MYO1H: variants seen among roughly 807,000 people sequenced by gnomAD.
MYO1H encodes the protein myosin IH, also known as unconventional myosin-Ih.
Under a neutral mutation model 149.3 loss-of-function variants are expected in MYO1H, and 118 were observed. That is an observed-to-expected ratio of 0.79 (90% CI 0.68 to 0.92). The LOEUF (loss-of-function observed/expected upper bound fraction) is 0.92. Ranked by LOEUF, MYO1H falls within the 40% of genes least tolerant of loss-of-function variation. The probability of loss-of-function intolerance (pLI) is 0.00; values close to 1 mark genes in which losing one functional copy is unlikely to be tolerated. For missense variants in MYO1H, 1,212 were observed against 1,280.7 expected, an observed-to-expected ratio of 0.95 and a Z score of 0.82; for synonymous variants, 447 against 465.2, an observed-to-expected ratio of 0.96 and a Z score of 0.50.
chr12:109,395,115 G>C (rs1483516223), intron 3 of MYO1H, among the ~76,000 whole-genome samples: 1 of 152,152 alleles, frequency 6.6e-6, no homozygotes, highest in Non-Finnish European at 1.5e-5. Flanking sequence ...CTCGTATTCA[G>C]GTTATATTCC....
chr12:109,404,211 C>T (rs948178686), intron 7 of MYO1H, 131 bp downstream of exon 7: 71 of 678,090 alleles, frequency 1.0e-4, no homozygotes, highest in African/African-American at 6.3e-4. Flanking sequence ...GGTGTGGTGG[C>T]GCACACCTGT....
intron 4 of MYO1H, 66 bp from the exon 5 acceptor site, chr12:109,397,666 T>C: frequency 7.7e-7 from 1 of 1,296,064 alleles, no homozygotes; most frequent in Non-Finnish European, 1.1e-6. Context: ...AGTGTATTAT[T>C]TGGGGTCAGG....
intron 22 of MYO1H, among the ~76,000 whole-genome samples, chr12:109,436,778 T>C (rs999241736): frequency 2.0e-5 from 3 of 152,156 alleles, no homozygotes; most frequent in African/African-American, 4.8e-5. Context: ...AGTCCTACAA[T>C]ATGTGTACAT....
intron 27 of MYO1H, 38 bp from the exon 28 acceptor site, chr12:109,443,476 G>A (rs1267437018): frequency 1.9e-6 from 3 of 1,605,242 alleles, no homozygotes; most frequent in South Asian, 2.2e-5. Context: ...TCGGTACTCT[G>A]CCCCACCTTC....
intron 5 of MYO1H, 122 bp downstream of exon 5, chr12:109,397,934 C>G: frequency 1.6e-6 from 1 of 616,574 alleles, no homozygotes; most frequent in Non-Finnish European, 2.7e-6. Context: ...AAAAAAATAT[C>G]CAGGGTTAGT....
chr12:109,388,407 G>C (rs1439852293), intron 1 of MYO1H, among the ~76,000 whole-genome samples: 1 of 152,086 alleles, frequency 6.6e-6, no homozygotes, highest in African/African-American at 2.4e-5. Flanking sequence ...GTATTTCATA[G>C]GGTCAGAATG....
In MYO1H at chr12:109,415,526, C is replaced by A. The variant is rs1159205752; in HGVS notation, c.1503C>A (p.Thr501=). The A allele has an allele frequency of 1.2e-5, 19 of 1,601,476 alleles. 1 individual carries two copies. The highest frequency in any genetic ancestry group is 1.6e-5 in the Non-Finnish European group (19 of 1,174,278). Residue 501 remains threonine, a splice_region_variant and synonymous_variant, in exon 15 of 32, where the codon ACC becomes ACA. Transcript: ENST00000310903. The stretch of plus-strand genomic sequence containing the variant: ...ACTCGTGTCTATTTCTGTCTCGTAG[C>A]CGTAAGCTGGCTGGTCCAAAGGGCC...
intron 1 of MYO1H, among the ~76,000 whole-genome samples, chr12:109,349,475 C>T (rs1431161636): frequency 6.9e-6 from 1 of 145,922 alleles, no homozygotes; most frequent in African/African-American, 2.6e-5. Context: ...CCAGCATGAG[C>T]AACATAGTGT....
intron 19 of MYO1H, among the ~76,000 whole-genome samples, chr12:109,428,810 A>AG (rs1871493058): frequency 6.6e-6 from 1 of 151,908 alleles, no homozygotes; most frequent in Non-Finnish European, 1.5e-5. Context: ...CCCCCCTCCA[A>AG]ACATATACAC....
intron 14 of MYO1H, among the ~76,000 whole-genome samples, chr12:109,415,044 T>C (rs17179499): frequency 0.067 from 10,203 of 152,258 alleles, 382 homozygotes; most frequent in South Asian, 0.11. Flanking sequence ...TCTTGGTCTA[T>C]GGCCAGAAAA....
exon 30 of MYO1H, chr12:109,444,501 G>C (rs1872393558): frequency 1.2e-6 from 2 of 1,613,830 alleles, no homozygotes; most frequent in Non-Finnish European, 1.7e-6. Context: ...GGTTAAGAAG[G>C]AGAACATTGT....
chr12:109,443,156 G>GTGTATATATGTGTACGTA lies in MYO1H; in HGVS notation c.2689-355_2689-354insATATATGTGTACGTATGT, dbSNP rs1872276794. ...TATGTGTGTATATGTGTACGTATGT[G>GTGTATATATGTGTACGTA]TGTGTATATGTGTACGTATGTGTGT... is the stretch of plus-strand genomic sequence containing the variant. On this transcript the variant is annotated intron_variant, in intron 27 of 31. Coordinates refer to ENST00000310903, the Ensembl canonical transcript of MYO1H. Among the ~76,000 whole-genome samples, 2 of 124,410 alleles carry GTGTATATATGTGTACGTA rather than the reference G, an allele frequency of 1.6e-5. 1 individual carries two copies. Among genetic ancestry groups the GTGTATATATGTGTACGTA allele is most frequent in the Non-Finnish European group, 3.3e-5 (2 of 61,004 alleles). 81.6% of individuals were successfully genotyped at this position (124,410 alleles called of 152,430 possible). A position where few individuals can be genotyped will look rare whatever the true frequency, so the allele number is the denominator to read the frequency against.
intron 13 of MYO1H, 40 bp downstream of exon 13, chr12:109,410,808 C>A: frequency 7.6e-7 from 1 of 1,307,948 alleles, no homozygotes; most frequent in Non-Finnish European, 1.1e-6. Flanking sequence ...ATTCACCCGG[C>A]ACTTACAACT....
intron 1 of MYO1H, among the ~76,000 whole-genome samples, chr12:109,365,674 AT>A (rs1242767325): frequency 6.6e-6 from 1 of 152,142 alleles, no homozygotes; most frequent in Non-Finnish European, 1.5e-5. Flanking sequence ...GATAATACCT[AT>A]TTCACAGGGG....
exon 28 of MYO1H, chr12:109,443,563 A>G (rs1872338909): frequency 6.2e-7 from 1 of 1,613,888 alleles, no homozygotes; most frequent in Non-Finnish European, 8.5e-7. Context: ...AAAGCACGGC[A>G]GCGGCAACTC....
intron 6 of MYO1H, among the ~76,000 whole-genome samples, chr12:109,402,474 A>G (rs1324764999): frequency 6.6e-6 from 1 of 152,190 alleles, no homozygotes; most frequent in Admixed American, 6.5e-5. Context: ...TTCACCTTGA[A>G]AAATGAAGGC....
chr12:109,334,071 C>T, the MYO1H span, among the ~76,000 whole-genome samples: 29 of 152,124 alleles, frequency 1.9e-4, 1 homozygote, highest in South Asian at 6.0e-3. Flanking sequence ...GGCCGGAGTA[C>T]AGTGATGCAA....
At chr12:109,352,572 A>G (rs1868485838) in intron 1 of MYO1H, among the ~76,000 whole-genome samples, 2 of 152,164 alleles carry the variant, frequency 1.3e-5, no homozygotes, top group South Asian at 2.1e-4. Context: ...GCCTTTTAGC[A>G]TAGATCTAAC....
At chr12:109,398,121 G>T (rs2137045760) in intron 5 of MYO1H, among the ~76,000 whole-genome samples, 2 of 152,274 alleles carry the variant, frequency 1.3e-5, no homozygotes, top group Middle Eastern at 6.8e-3. Context: ...GAAAATAATG[G>T]GTTGTACCAG....
Sources: allele counts gnomAD v4.1 joint callset (sites outside exome capture counted in the v4.1 genomes callset), GRCh38; gene constraint gnomAD v4.1.1; transcripts MANE v1.5; gene names NCBI Gene and HGNC (gene_info 2026-07-23, HGNC 2026-07-21).